Variants in ATP2B2 observed in about 807,000 individuals in gnomAD.
ATP2B2 encodes the protein ATPase plasma membrane Ca2+ transporting 2.
Under a neutral mutation model 120.0 loss-of-function variants are expected in ATP2B2, and 15 were observed. The ratio of observed to expected loss-of-function variants is 0.12; its 90% CI spans 0.08 to 0.19. The LOEUF (loss-of-function observed/expected upper bound fraction) is 0.19, where lower values mean the gene tolerates loss of function less well. Ranked by LOEUF, ATP2B2 falls within the 10% of genes least tolerant of loss-of-function variation. ATP2B2 has a pLI of 1.00. For missense variants in ATP2B2, 1,045 were observed against 1,719.8 expected, an observed-to-expected ratio of 0.61 and a Z score of 6.94; for synonymous variants, 694 against 700.3, an observed-to-expected ratio of 0.99 and a Z score of 0.14.
intron 1 of ATP2B2, among the ~76,000 whole-genome samples, chr3:10,667,153 G>A (rs558211240): frequency 6.6e-6 from 1 of 152,266 alleles, no homozygotes; most frequent in South Asian, 2.1e-4. Context: ...CCTCCGAGGT[G>A]GTCTCCACCA....
chr3:10,328,126 T>C lies in ATP2B2; in HGVS notation c.*688A>G, dbSNP rs1440187734. On this transcript the variant is annotated 3_prime_UTR_variant, in exon 23 of 23. Coordinates refer to ENST00000360273, the MANE Select transcript of ATP2B2 (RefSeq NM_001001331.4). ...ATATATCCATGTATATATATTTATA[T>C]ATATATATATATATCTACCTATCTA... The C allele has an allele frequency of 6.7e-6, 1 of 149,330 alleles. No homozygotes were observed. The highest frequency in any genetic ancestry group is 1.5e-5 in the Non-Finnish European group (1 of 67,450). The allele number at this position is 149,330 out of a possible 1,614,324, so 9.3% of individuals were successfully genotyped here.
intron 2 of ATP2B2, among the ~76,000 whole-genome samples, chr3:10,434,209 T>A (rs988573208): frequency 1.3e-5 from 2 of 152,266 alleles, no homozygotes; most frequent in African/African-American, 2.4e-5. Flanking sequence ...TCAGTTACAA[T>A]CTTTAACTTA....
chr3:10,568,249 G>A (rs1203324601), intron 2 of ATP2B2, among the ~76,000 whole-genome samples: 1 of 152,194 alleles, frequency 6.6e-6, no homozygotes, highest in East Asian at 1.9e-4. Context: ...CCCATGGGGT[G>A]CTTTCCTGGA....
At chr3:10,689,764 G>A (rs1410762295) in intron 1 of ATP2B2, among the ~76,000 whole-genome samples, 5 of 152,314 alleles carry the variant, frequency 3.3e-5, no homozygotes, top group East Asian at 3.9e-4. Context: ...ACTCCAGCAC[G>A]TGGAGGGAGG....
chr3:10,611,073 T>C (rs2069223889), intron 2 of ATP2B2, among the ~76,000 whole-genome samples: 1 of 152,202 alleles, frequency 6.6e-6, no homozygotes, highest in African/African-American at 2.4e-5. Context: ...GGTGTCTCCA[T>C]AGATCAGAGA....
chr3:10,554,146 G>A (rs888381251), intron 2 of ATP2B2, among the ~76,000 whole-genome samples: 25 of 152,066 alleles, frequency 1.6e-4, no homozygotes, highest in South Asian at 4.1e-4. Flanking sequence ...CATGTATGGC[G>A]CTTGACCCTT....
At chr3:10,396,209 C>T (rs549295273) in intron 5 of ATP2B2, among the ~76,000 whole-genome samples, 1 of 152,358 alleles carries the variant, frequency 6.6e-6, no homozygotes, top group South Asian at 2.1e-4. Flanking sequence ...CATACAGCAC[C>T]TCACAACCGC....
chr3:10,689,390 A>T (rs1193694761), intron 1 of ATP2B2, among the ~76,000 whole-genome samples: 1 of 152,200 alleles, frequency 6.6e-6, no homozygotes, highest in East Asian at 1.9e-4. Flanking sequence ...AATTGGCAGT[A>T]AAATTAAATA....
In ATP2B2 at chr3:10,682,009, G is replaced by A. The variant is rs916858669; in HGVS notation, c.-460+25906C>T. 4.6e-5 allele frequency among the ~76,000 whole-genome samples: 7 copies of A among 152,212 alleles called. No homozygotes were observed. In the South Asian group the frequency reaches 1.0e-3, roughly 23 times the overall value. ...ATACCTGAGGCAGTCAGGGAAGGCT[G>A]CCCTAAGGAGGAGGCATTAGAGCTG... On this transcript the variant is annotated intron_variant, in intron 1 of 21. Transcript: ENST00000646379.
intron 1 of ATP2B2, among the ~76,000 whole-genome samples, chr3:10,704,569 C>T (rs1283897620): frequency 1.3e-5 from 2 of 152,170 alleles, no homozygotes; most frequent in African/African-American, 2.4e-5. Flanking sequence ...CAAAGCTGGC[C>T]CTGCTCCCTC....
intron 3 of ATP2B2, among the ~76,000 whole-genome samples, chr3:10,512,266 T>C (rs2066776440): frequency 6.6e-6 from 1 of 151,918 alleles, no homozygotes. Flanking sequence ...GGGTGACGAC[T>C]GAGAATGCTG....
intron 2 of ATP2B2, among the ~76,000 whole-genome samples, chr3:10,419,313 C>A (rs917227282): frequency 6.6e-6 from 1 of 152,172 alleles, no homozygotes. Context: ...TCTCTGGCAT[C>A]CCCTGCAGTC....
In ATP2B2 at chr3:10,340,594, C is replaced by T. The variant is rs2060248037; in HGVS notation, c.3028G>A (p.Glu1010Lys). 3.1e-6 allele frequency: 5 copies of T among 1,614,214 alleles called. No individual in the cohort carries two copies. The highest frequency in any genetic ancestry group is 1.7e-5 in the Admixed American group (1 of 60,030). ...CCGTGGATCTTGCGGGCGTTGATCT[C>T]GTTGAAGAGCTGCATCATGACGAAG... is the stretch of plus-strand genomic sequence containing the variant. ...NTFVMMQLFN[E>K]INARKIHGER... is the part of the protein sequence containing the mutation. Residue 1010 changes from glutamate (E) to lysine (K), a missense_variant, in exon 20 of 23, where the codon GAG becomes AAG. Coordinates refer to ENST00000360273, the MANE Select transcript of ATP2B2 (RefSeq NM_001001331.4). The surrounding 1 kb of genome is among the most constrained non-coding windows in gnomAD (Gnocchi z 5.0).
chr3:10,609,520 C>T (rs113383293), intron 2 of ATP2B2, among the ~76,000 whole-genome samples: 2 of 152,268 alleles, frequency 1.3e-5, no homozygotes, highest in African/African-American at 2.4e-5. Flanking sequence ...CAGAGGCCAT[C>T]GGTGGGGGTT....
At chr3:10,524,686 C>T (rs558376707) in intron 3 of ATP2B2, among the ~76,000 whole-genome samples, 2 of 152,304 alleles carry the variant, frequency 1.3e-5, no homozygotes, top group East Asian at 3.9e-4. Context: ...ACTCCTTTAA[C>T]CTGAACAGCC....
intron 22 of ATP2B2, chr3:10,336,395 C>T (rs748795335): frequency 1.8e-5 from 22 of 1,211,782 alleles, no homozygotes; most frequent in Admixed American, 7.1e-5. Context: ...GCCGCAGCCA[C>T]GGCAACAACG....
chr3:10,611,997 C>T (rs574056888), intron 2 of ATP2B2, among the ~76,000 whole-genome samples: 30 of 152,324 alleles, frequency 2.0e-4, no homozygotes, highest in African/African-American at 7.0e-4. Context: ...ACATTTCTGC[C>T]AGCCAGCATC....
chr3:10,494,413 G>T (rs1455596344), intron 1 of ATP2B2, among the ~76,000 whole-genome samples: 1 of 152,154 alleles, frequency 6.6e-6, no homozygotes, highest in Non-Finnish European at 1.5e-5. Context: ...TAAGTCATTT[G>T]CTCAAGGTCA....
At chr3:10,652,893 A>AGGTC (rs2070504567) in intron 1 of ATP2B2, among the ~76,000 whole-genome samples, 1 of 152,226 alleles carries the variant, frequency 6.6e-6, no homozygotes, top group Non-Finnish European at 1.5e-5. Flanking sequence ...ACAGCAGTCA[A>AGGTC]AGTCATAGGG....
Sources: allele counts gnomAD v4.1 joint callset (sites outside exome capture counted in the v4.1 genomes callset), GRCh38; gene constraint gnomAD v4.1.1; non-coding constraint Gnocchi (gnomAD v3.1); transcripts MANE v1.5; gene names NCBI Gene and HGNC (gene_info 2026-07-23, HGNC 2026-07-21).